The following SLC2A9 variants were observed in gnomAD, a reference collection of about 807,000 sequenced individuals.
SLC2A9 encodes the protein solute carrier family 2, facilitated glucose transporter member 9.
SLC2A9 carries 39 observed loss-of-function variants against 50.6 expected under a neutral mutation model. The ratio of observed to expected loss-of-function variants is 0.77; its 90% CI spans 0.60 to 1.01. SLC2A9 has a LOEUF of 1.01. SLC2A9 is among the 50% of genes least tolerant of loss of function. The probability of loss-of-function intolerance (pLI) is 0.00; values close to 1 mark genes in which losing one functional copy is unlikely to be tolerated. For missense variants in SLC2A9, 686 were observed against 677.6 expected (o/e 1.01, Z -0.14); for synonymous variants, 324 against 276.9 (o/e 1.17, Z -1.69).
chr4:9,878,069 TAG>T (rs1221382903), intron 10 of SLC2A9, among the ~76,000 whole-genome samples: 6 of 151,860 alleles, frequency 4.0e-5, no homozygotes, highest in Non-Finnish European at 7.4e-5. Context: ...TCTGTGGGGG[TAG>T]AGACACTGTC....
At chr4:9,776,238 C>T (rs191264567), downstream of SLC2A9, among the ~76,000 whole-genome samples, 2 of 149,164 alleles carry the variant, frequency 1.3e-5, no homozygotes, top group Non-Finnish European at 1.5e-5. Context: ...AGTCCAAGTA[C>T]ACCCAAAAGC....
intron 2 of SLC2A9, among the ~76,000 whole-genome samples, chr4:10,003,357 G>A (rs546254047): frequency 6.6e-6 from 1 of 152,280 alleles, no homozygotes; most frequent in Non-Finnish European, 1.5e-5. Context: ...CCTTTGTGTT[G>A]CACTGCATTC....
intron 10 of SLC2A9, among the ~76,000 whole-genome samples, chr4:9,861,007 T>C (rs1273646353): frequency 1.3e-5 from 2 of 152,210 alleles, no homozygotes; most frequent in Non-Finnish European, 2.9e-5. Flanking sequence ...TAGCATTTTC[T>C]CCATCATTCT....
chr4:9,907,438 T>G (rs910086980), intron 8 of SLC2A9, among the ~76,000 whole-genome samples: 3 of 152,206 alleles, frequency 2.0e-5, no homozygotes, highest in African/African-American at 7.2e-5. Context: ...TTTTGCATAT[T>G]GGAGGTTGAG....
intron 10 of SLC2A9, among the ~76,000 whole-genome samples, chr4:9,858,992 A>G (rs1271054233): frequency 1.3e-5 from 2 of 152,104 alleles, no homozygotes; most frequent in South Asian, 2.1e-4. Context: ...CGAGCTCTTC[A>G]GCTTTTGGAC....
At chr4:9,787,176 C>G (rs1445994606) in intron 3 of SLC2A9, among the ~76,000 whole-genome samples, 1 of 152,234 alleles carries the variant, frequency 6.6e-6, no homozygotes, top group Non-Finnish European at 1.5e-5. Flanking sequence ...TGCCCCAGAA[C>G]TTGTTCTGAT....
At chr4:9,977,637 T>G (rs142490971) in intron 5 of SLC2A9, among the ~76,000 whole-genome samples, 2,140 of 147,940 alleles carry the variant, frequency 0.014, 25 homozygotes, top group Middle Eastern at 0.056. Flanking sequence ...TACCTCTGGC[T>G]AGAACTCCCC....
intron 10 of SLC2A9, among the ~76,000 whole-genome samples, chr4:9,874,330 C>G (rs1053037494): frequency 2.0e-5 from 3 of 152,232 alleles, no homozygotes; most frequent in Non-Finnish European, 4.4e-5. Context: ...CACCCTGTGG[C>G]CAGGCCCAGC....
intron 3 of SLC2A9, among the ~76,000 whole-genome samples, chr4:9,989,973 C>A (rs1341831431): frequency 6.6e-6 from 1 of 152,028 alleles, no homozygotes; most frequent in Non-Finnish European, 1.5e-5. Flanking sequence ...ATCCTCTGAA[C>A]AAAGTGGTGA....
At chr4:10,022,498 G>T (rs1763572876), upstream of SLC2A9, among the ~76,000 whole-genome samples, 3 of 152,352 alleles carry the variant, frequency 2.0e-5, no homozygotes, top group Admixed American at 2.0e-4. Flanking sequence ...GGAGGTTGTG[G>T]GAATCAGTTC....
chr4:9,870,680 C>T (rs923826349), intron 10 of SLC2A9, among the ~76,000 whole-genome samples: 1 of 152,160 alleles, frequency 6.6e-6, no homozygotes, highest in African/African-American at 2.4e-5. Context: ...AGTACTAAAA[C>T]CGAACATGTG....
intron 3 of SLC2A9, chr4:9,792,956 C>T (rs13118112): frequency 0.64 from 84,196 of 132,208 alleles, 24,047 homozygotes; most frequent in Non-Finnish European, 0.71. Flanking sequence ...CTCACAGAAA[C>T]CTCTGCCTCC....
At chr4:9,988,054 A>T (rs996573357) in intron 3 of SLC2A9, among the ~76,000 whole-genome samples, 5 of 152,256 alleles carry the variant, frequency 3.3e-5, no homozygotes, top group African/African-American at 1.2e-4. Context: ...ATACTTGAAC[A>T]AGATCACTAC....
intron 10 of SLC2A9, among the ~76,000 whole-genome samples, chr4:9,875,539 ACACACATCTCCTCTGTGCTC>A (rs1470031832): frequency 1.3e-5 from 2 of 152,194 alleles, no homozygotes; most frequent in African/African-American, 4.8e-5. Flanking sequence ...ATTCACCCAG[ACACACATCTCCTCTGTGCTC>A]CCTTAGTACC....
intron 1 of SLC2A9, among the ~76,000 whole-genome samples, chr4:10,029,577 T>TTTTA (rs1560510273): frequency 4.4e-3 from 106 of 24,114 alleles, no homozygotes; most frequent in African/African-American, 0.018. Flanking sequence ...TTATTTTATA[T>TTTTA]TTTTATTTTA....
intron 3 of SLC2A9, chr4:9,780,102 C>T (rs1285138054): frequency 6.6e-6 from 1 of 152,246 alleles, no homozygotes; most frequent in Non-Finnish European, 1.5e-5. Flanking sequence ...AGGAAAAGAC[C>T]TTGCATGCCT....
At chr4:9,923,456 C>A (rs757770793) in intron 6 of SLC2A9, among the ~76,000 whole-genome samples, 1 of 152,160 alleles carries the variant, frequency 6.6e-6, no homozygotes, top group Non-Finnish European at 1.5e-5. Context: ...CATGGCTCCA[C>A]ATGACTCTTG....
At chr4:9,772,813 ATT>A (rs76377030) in intron 1 of SLC2A9, among the ~76,000 whole-genome samples, 7 of 101,928 alleles carry the variant, frequency 6.9e-5, no homozygotes, top group East Asian at 5.1e-4. Flanking sequence ...ATGCCATTTT[ATT>A]TTTTTTTTTA....
intron 2 of SLC2A9, among the ~76,000 whole-genome samples, chr4:10,010,834 T>A (rs984248160): frequency 1.3e-5 from 2 of 152,210 alleles, no homozygotes; most frequent in African/African-American, 2.4e-5. Context: ...CTAATTTTTA[T>A]TTTCATTCAT....
Sources: allele counts gnomAD v4.1 joint callset (sites outside exome capture counted in the v4.1 genomes callset), GRCh38; gene constraint gnomAD v4.1.1; transcripts MANE v1.5; gene names NCBI Gene and HGNC (gene_info 2026-07-23, HGNC 2026-07-21).